Variants in BICD1 observed in about 807,000 individuals in gnomAD.
The protein encoded by BICD1 is protein bicaudal D homolog 1.
A neutral mutation model predicts 92.5 loss-of-function variants in BICD1; 35 were observed. The ratio of observed to expected loss-of-function variants is 0.38; its 90% CI spans 0.29 to 0.50. The LOEUF (loss-of-function observed/expected upper bound fraction) is 0.50. Ranked by LOEUF, BICD1 falls within the 20% of genes least tolerant of loss-of-function variation. The probability of loss-of-function intolerance (pLI) is 0.93; values close to 1 mark genes in which losing one functional copy is unlikely to be tolerated. For missense variants in BICD1, 950 were observed against 1,189.8 expected (o/e 0.80, Z 2.97); for synonymous variants, 429 against 465.1 (o/e 0.92, Z 1.00).
intron 1 of BICD1, among the ~76,000 whole-genome samples, chr12:32,135,680 A>C (rs558219162): frequency 6.6e-6 from 1 of 152,282 alleles, no homozygotes; most frequent in African/African-American, 2.4e-5. Flanking sequence ...AATTACAGGC[A>C]TGAACCTTCA....
At chr12:32,116,684 A>ATT (rs60228795) in intron 1 of BICD1, among the ~76,000 whole-genome samples, 1 of 147,024 alleles carries the variant, frequency 6.8e-6, no homozygotes. Flanking sequence ...TATGCTGGCT[A>ATT]TTTTTTTTTT....
intron 1 of BICD1, among the ~76,000 whole-genome samples, chr12:32,177,027 T>C (rs1425112673): frequency 6.6e-6 from 1 of 151,350 alleles, no homozygotes; most frequent in African/African-American, 2.4e-5. Context: ...AGAATTACAG[T>C]TTTTTGGCCG....
chr12:32,219,747 AT>A lies in BICD1; in HGVS notation c.426+3295del, dbSNP rs543313778. ...CTTAAGTATAAAAAAACTAACCTAG[AT>A]TTTTTTCATCTAATTCTCACTTTTA... On this transcript the variant is annotated intron_variant, in intron 2 of 9. Coordinates refer to ENST00000652176, the MANE Select transcript of BICD1 (RefSeq NM_001714.4). Among the ~76,000 whole-genome samples the A allele has an allele frequency of 4.7e-3, 721 of 152,248 alleles. 3 individuals carry two copies. The highest frequency in any genetic ancestry group is 0.016 in the African/African-American group (679 of 41,534).
chr12:32,175,792 G>A (rs1224504154), intron 1 of BICD1, among the ~76,000 whole-genome samples: 1 of 152,178 alleles, frequency 6.6e-6, no homozygotes, highest in Non-Finnish European at 1.5e-5. Context: ...TTTACTGAGT[G>A]ATGCAACTGT....
chr12:32,332,346 A>G (rs2136272181), intron 5 of BICD1: 1 of 675,664 alleles, frequency 1.5e-6, no homozygotes, highest in Middle Eastern at 7.5e-4. Flanking sequence ...TATGTAACAA[A>G]CCTGCACATC....
At chr12:32,179,757 G>A (rs999431811) in intron 1 of BICD1, among the ~76,000 whole-genome samples, 8 of 151,788 alleles carry the variant, frequency 5.3e-5, no homozygotes, top group Admixed American at 6.6e-5. Context: ...TTGGGAGGCC[G>A]AGACAGGCAG....
rs199528142 is a variant in BICD1 at position 32,294,130 on chromosome 12, C to A, written c.563C>A (p.Thr188Lys). The A allele has an allele frequency of 4.4e-6, 7 of 1,601,022 alleles. No homozygotes were observed. The highest frequency in any genetic ancestry group is 5.9e-6 in the Non-Finnish European group (7 of 1,176,798). ...ATCACATTGCAGAAACTAGTGTCCACGTTGAAGCAGAACCAGGTAAGGTTT... is the reference window on the plus strand; with the variant it reads ...ATCACATTGCAGAAACTAGTGTCCAAGTTGAAGCAGAACCAGGTAAGGTTT... ...ENITLQKLVS[T>K]LKQNQVEYEG... The change falls in exon 3 of 10, where the codon ACG becomes AAG. Residue 188 changes from threonine to lysine, a missense_variant. Coordinates refer to ENST00000652176, the MANE Select transcript of BICD1 (RefSeq NM_001714.4).
Position 32,382,644 on chromosome 12 carries a change from T to C in BICD1, c.*5017T>C, listed in dbSNP as rs1940223884. 1 of 152,116 alleles carries C rather than the reference T, an allele frequency of 6.6e-6. No individual in the cohort carries two copies. Among genetic ancestry groups the C allele is most frequent in the Non-Finnish European group, 1.5e-5 (1 of 67,960 alleles). 9.4% of individuals were successfully genotyped at this position (152,116 alleles called of 1,614,324 possible). On this transcript the variant is annotated 3_prime_UTR_variant, in exon 10 of 10. Coordinates refer to ENST00000652176, the MANE Select transcript of BICD1 (RefSeq NM_001714.4). ...GATTATTCCTGTGATTGGAGTTTAA[T>C]TGCTGTAGAACACTTGTTGAGAACA...
chr12:32,216,217 G>T, intron 1 of BICD1, 30 bp from the exon 2 acceptor site: 1 of 1,600,122 alleles, frequency 6.2e-7, no homozygotes. Flanking sequence ...ATTTCATTGT[G>T]TACTCTTTTT....
chr12:32,120,790 T>G lies in BICD1; in HGVS notation c.213+13246T>G, dbSNP rs556777749. 3.3e-5 allele frequency among the ~76,000 whole-genome samples: 5 copies of G among 151,852 alleles called. No individual in the cohort carries two copies. The East Asian group carries it at 5.8e-4, about 18-fold the overall frequency. On this transcript the variant is annotated intron_variant, in intron 1 of 9. Transcript: ENST00000652176. Reference sequence around the variant, plus strand: ...TGTCTTTTAAATCACAAACTGGCTTTCTTTCTGCTAAGGTTGGTGTGCTTA... The same window carrying G: ...TGTCTTTTAAATCACAAACTGGCTTGCTTTCTGCTAAGGTTGGTGTGCTTA...
chr12:32,198,323 CATCTATCTATATAT>C lies in BICD1; in HGVS notation c.214-17921_214-17908del, dbSNP rs1218672011. On this transcript the variant is annotated intron_variant, in intron 1 of 9. Transcript: ENST00000652176. Reference sequence around the variant, plus strand: ...AGGGGATGATTATGGGAATAATATGCATCTATCTATATATATATATATATATATATTCCAAAAAT... The same window carrying C: ...AGGGGATGATTATGGGAATAATATGCATATATATATATATATTCCAAAAAT... Among the ~76,000 whole-genome samples, 95 of 87,924 alleles carry C rather than the reference CATCTATCTATATAT, an allele frequency of 1.1e-3. 1 individual carries two copies. The highest frequency in any genetic ancestry group is 2.9e-3 in the African/African-American group (73 of 24,924). The allele number at this position is 87,924 out of a possible 152,430, so 57.7% of individuals were successfully genotyped here. A position where few individuals can be genotyped will look rare whatever the true frequency, so the allele number is the denominator to read the frequency against.
intron 1 of BICD1, among the ~76,000 whole-genome samples, chr12:32,175,160 T>C (rs1456773650): frequency 6.6e-6 from 1 of 152,214 alleles, no homozygotes; most frequent in Non-Finnish European, 1.5e-5. Context: ...AGGTAGATCA[T>C]GTTTATCTTG....
chr12:32,359,156 T>C (rs2136318138), intron 8 of BICD1, among the ~76,000 whole-genome samples: 1 of 152,358 alleles, frequency 6.6e-6, no homozygotes, highest in East Asian at 1.9e-4. Flanking sequence ...CTTTCAAAAT[T>C]AAATGTTCTT....
Position 32,382,035 on chromosome 12 carries a change from T to G in BICD1, c.*4408T>G, listed in dbSNP as rs1229898477. Reference sequence around the variant, plus strand: ...ACCTTAAAATCAACTTCTATGGAACTACAAGATCAATCTAGCTCCCGAGTG... The same window carrying G: ...ACCTTAAAATCAACTTCTATGGAACGACAAGATCAATCTAGCTCCCGAGTG... On this transcript the variant is annotated 3_prime_UTR_variant, in exon 10 of 10. Coordinates refer to ENST00000652176, the MANE Select transcript of BICD1 (RefSeq NM_001714.4). The G allele has an allele frequency of 1.3e-5, 2 of 152,106 alleles. No individual in the cohort carries two copies. Among genetic ancestry groups the G allele is most frequent in the Non-Finnish European group, 2.9e-5 (2 of 67,956 alleles). 9.4% of individuals were successfully genotyped at this position (152,106 alleles called of 1,614,324 possible). A position where few individuals can be genotyped will look rare whatever the true frequency, so the allele number is the denominator to read the frequency against.
Position 32,136,235 on chromosome 12 carries a change from A to G in BICD1, c.213+28691A>G, listed in dbSNP as rs1446262413. 4.6e-5 allele frequency among the ~76,000 whole-genome samples: 7 copies of G among 152,158 alleles called. No individual in the cohort carries two copies. In the East Asian group the frequency reaches 1.3e-3, roughly 29 times the overall value. On this transcript the variant is annotated intron_variant, in intron 1 of 9. Coordinates refer to ENST00000652176, the MANE Select transcript of BICD1 (RefSeq NM_001714.4). Reference sequence around the variant, plus strand: ...CTACGTGGCATTTTTTCTTTTTTGAAGGTAGGGACCATGGCTTTCTCTTTC... The same window carrying G: ...CTACGTGGCATTTTTTCTTTTTTGAGGGTAGGGACCATGGCTTTCTCTTTC...
intron 8 of BICD1, among the ~76,000 whole-genome samples, chr12:32,348,147 A>G (rs1039425700): frequency 6.6e-6 from 1 of 152,220 alleles, no homozygotes; most frequent in African/African-American, 2.4e-5. Flanking sequence ...TCCTCTGTCC[A>G]GTATTCCTGT....
intron 1 of BICD1, among the ~76,000 whole-genome samples, chr12:32,110,612 G>A (rs2121129174): frequency 6.6e-6 from 1 of 152,310 alleles, no homozygotes; most frequent in South Asian, 2.1e-4. Flanking sequence ...TGTTTGGGAT[G>A]TACGTAAATC....
intron 4 of BICD1, among the ~76,000 whole-genome samples, chr12:32,324,855 G>A (rs1175834256): frequency 6.6e-6 from 1 of 152,134 alleles, no homozygotes; most frequent in Non-Finnish European, 1.5e-5. Flanking sequence ...TGGGATTACA[G>A]GCATGAGCCA....
intron 3 of BICD1, among the ~76,000 whole-genome samples, chr12:32,303,084 G>A (rs961348008): frequency 6.6e-5 from 10 of 151,472 alleles, no homozygotes; most frequent in African/African-American, 2.2e-4. Context: ...ATAGGTGCAC[G>A]CCACCACACC....
Sources: allele counts gnomAD v4.1 joint callset (sites outside exome capture counted in the v4.1 genomes callset), GRCh38; gene constraint gnomAD v4.1.1; transcripts MANE v1.5; gene names NCBI Gene and HGNC (gene_info 2026-07-23, HGNC 2026-07-21).